Variants in TMEM132B observed in about 807,000 individuals in gnomAD.
The protein encoded by TMEM132B is transmembrane protein 132B.
In TMEM132B, 18 loss-of-function variants were observed where a neutral mutation model predicts 90.8. The observed-to-expected ratio is 0.20, with a 90% CI of 0.14 to 0.29. The LOEUF (loss-of-function observed/expected upper bound fraction) is 0.29, where lower values mean the gene tolerates loss of function less well. Among genes scored for constraint, TMEM132B ranks in the 10% least tolerant of loss-of-function variants. The probability of loss-of-function intolerance (pLI) is 1.00; values close to 1 mark genes in which losing one functional copy is unlikely to be tolerated. For synonymous variants in TMEM132B, 504 were observed against 523.3 expected, an observed-to-expected ratio of 0.96 and a Z score of 0.50; for missense variants, 1,096 against 1,326.8, an observed-to-expected ratio of 0.83 and a Z score of 2.70.
At chr12:125,487,675 G>C (rs1380756384) in intron 3 of TMEM132B, among the ~76,000 whole-genome samples, 1 of 152,188 alleles carries the variant, frequency 6.6e-6, no homozygotes, top group East Asian at 1.9e-4. Context: ...CAGATACATG[G>C]CTTTAAGAGA....
chr12:125,452,158 C>G (rs1469678285), intron 3 of TMEM132B, among the ~76,000 whole-genome samples: 1 of 152,162 alleles, frequency 6.6e-6, no homozygotes, highest in African/African-American at 2.4e-5. Flanking sequence ...CCTATCTCAT[C>G]CCCTGGATTC....
chr12:125,270,136 G>T (rs566968645), intron 1 of TMEM132B, among the ~76,000 whole-genome samples: 1 of 151,814 alleles, frequency 6.6e-6, no homozygotes, highest in East Asian at 1.9e-4. Flanking sequence ...GTGTGTGTGT[G>T]TGTGTGTGTG....
intron 1 of TMEM132B, among the ~76,000 whole-genome samples, chr12:125,254,876 G>A (rs1429707372): frequency 6.6e-6 from 1 of 151,924 alleles, no homozygotes; most frequent in Non-Finnish European, 1.5e-5. Context: ...GTAGAGATGG[G>A]GTTTTGCCAT....
chr12:125,505,047 C>T (rs1362624580), intron 3 of TMEM132B, among the ~76,000 whole-genome samples: 1 of 151,786 alleles, frequency 6.6e-6, no homozygotes. Context: ...CATGATTCTT[C>T]AGACATGTGT....
At chr12:125,214,563 G>A (rs1873391998) in intron 1 of TMEM132B, among the ~76,000 whole-genome samples, 1 of 152,226 alleles carries the variant, frequency 6.6e-6, no homozygotes, top group Admixed American at 6.5e-5. Context: ...CCCTCTGGCT[G>A]GACCACGTTA....
chr12:125,403,360 G>T (rs978856779), intron 2 of TMEM132B, among the ~76,000 whole-genome samples: 2 of 152,154 alleles, frequency 1.3e-5, no homozygotes, highest in Non-Finnish European at 2.9e-5. Context: ...CTGTCAAAGC[G>T]TTGCCCAAAT....
chr12:125,304,382 A>G (rs890973527), intron 1 of TMEM132B, among the ~76,000 whole-genome samples: 2 of 152,014 alleles, frequency 1.3e-5, no homozygotes, highest in South Asian at 4.2e-4. Flanking sequence ...CAATTTATTT[A>G]TTTTGGTTGC....
intron 4 of TMEM132B, among the ~76,000 whole-genome samples, chr12:125,571,409 G>A (rs1013439186): frequency 2.0e-5 from 3 of 152,164 alleles, no homozygotes; most frequent in Non-Finnish European, 4.4e-5. Context: ...TGGGCACTTT[G>A]TTGGTTATCA....
intron 3 of TMEM132B, among the ~76,000 whole-genome samples, chr12:125,437,433 C>CAAAA (rs772343948): frequency 6.6e-6 from 1 of 152,108 alleles, no homozygotes; most frequent in Middle Eastern, 3.2e-3. Context: ...GTTTTCAGTG[C>CAAAA]TTTTGGGTAG....
intron 1 of TMEM132B, among the ~76,000 whole-genome samples, chr12:125,188,275 T>C (rs143584987): frequency 1.1e-3 from 175 of 152,322 alleles, no homozygotes; most frequent in African/African-American, 3.9e-3. Flanking sequence ...GCAGCTATGA[T>C]AGCTGTTTTG....
In TMEM132B at chr12:125,519,585, T is replaced by C; in HGVS notation, c.1253T>C (p.Val418Ala). 1 of 1,614,146 alleles carries C rather than the reference T, an allele frequency of 6.2e-7. No homozygotes were observed. Among genetic ancestry groups the C allele is most frequent in the South Asian group, 1.1e-5 (1 of 91,072 alleles). Reference sequence around the variant, plus strand: ...GAGCTGGTCGTCTCCGAGATCTTCGTCAGCCAGACAACCTTCGTGGGCATC... The same window carrying C: ...GAGCTGGTCGTCTCCGAGATCTTCGCCAGCCAGACAACCTTCGTGGGCATC... ...MSELVVSEIF[V>A]SQTTFVGIVP... The change falls in exon 4 of 9, where the codon GTC becomes GCC. Residue 418 changes from valine (V) to alanine (A), a missense_variant. Val to Ala is a moderately conservative substitution (Grantham distance 64). Coordinates refer to ENST00000682704, the MANE Select transcript of TMEM132B (RefSeq NM_001366854.1).
chr12:125,450,190 G>T (rs1266806701), intron 3 of TMEM132B, among the ~76,000 whole-genome samples: 1 of 152,106 alleles, frequency 6.6e-6, no homozygotes, highest in Non-Finnish European at 1.5e-5. Flanking sequence ...ATATTCTTTT[G>T]TATTCTTCCC....
At chr12:125,372,790 T>C (rs1037767254) in intron 2 of TMEM132B, among the ~76,000 whole-genome samples, 2 of 152,174 alleles carry the variant, frequency 1.3e-5, no homozygotes, top group African/African-American at 4.8e-5. Context: ...TGCATGTTCA[T>C]GACGGACCAC....
intron 2 of TMEM132B, among the ~76,000 whole-genome samples, chr12:125,390,102 A>G (rs1387048022): frequency 6.6e-6 from 1 of 152,172 alleles, no homozygotes; most frequent in Non-Finnish European, 1.5e-5. Context: ...TTTGGAATAT[A>G]CACAAATCCA....
chr12:125,376,865 A>G (rs1486748953), intron 2 of TMEM132B, among the ~76,000 whole-genome samples: 1 of 152,224 alleles, frequency 6.6e-6, no homozygotes, highest in Non-Finnish European at 1.5e-5. Flanking sequence ...AAGCAGATCT[A>G]TGTGAAATAA....
intron 5 of TMEM132B, among the ~76,000 whole-genome samples, chr12:125,628,863 A>G (rs1339673475): frequency 2.0e-5 from 3 of 152,176 alleles, no homozygotes; most frequent in Non-Finnish European, 1.5e-5. Context: ...ATTTCTCTAC[A>G]TATGGATATC....
intron 2 of TMEM132B, among the ~76,000 whole-genome samples, chr12:125,387,078 C>A (rs1878858081): frequency 6.7e-6 from 1 of 150,276 alleles, no homozygotes; most frequent in African/African-American, 2.4e-5. Flanking sequence ...GCAGCATTAT[C>A]CATGATCTTG....
Position 125,406,231 on chromosome 12 carries a change from C to T in TMEM132B, c.960-9300C>T, listed in dbSNP as rs1566024887. Among the ~76,000 whole-genome samples, 1 of 152,216 alleles carries T rather than the reference C, an allele frequency of 6.6e-6. No individual in the cohort carries two copies. The highest frequency in any genetic ancestry group is 1.5e-5 in the Non-Finnish European group (1 of 68,036). ...GGCTAAAGCAGAATGCAAAACTTCCCTTCCCTGGTCATACCCACACAATTT... is the reference window on the plus strand; with the variant it reads ...GGCTAAAGCAGAATGCAAAACTTCCTTTCCCTGGTCATACCCACACAATTT... On this transcript the variant is annotated intron_variant, in intron 2 of 8. Coordinates refer to ENST00000682704, the MANE Select transcript of TMEM132B (RefSeq NM_001366854.1). The surrounding 1 kb of genome is among the most constrained non-coding windows in gnomAD (Gnocchi z 8.3).
At chr12:125,611,543 T>C (rs1328273328) in intron 5 of TMEM132B, among the ~76,000 whole-genome samples, 3 of 152,096 alleles carry the variant, frequency 2.0e-5, no homozygotes, top group Non-Finnish European at 4.4e-5. Context: ...TAACTACTTA[T>C]ATTCTTACTG....
Sources: gnomAD v4.1 joint callset for allele counts (sites outside exome capture counted in the v4.1 genomes callset) on GRCh38, gnomAD v4.1.1 for gene constraint, Gnocchi (gnomAD v3.1) non-coding constraint, MANE v1.5 for transcripts, NCBI Gene and HGNC (gene_info 2026-07-23, HGNC 2026-07-21) for gene names.